Variants in ATXN10 observed in about 807,000 individuals in gnomAD.
ATXN10 encodes the protein ataxin 10, also known as ataxin-10.
In ATXN10, 28 loss-of-function variants were observed where a neutral mutation model predicts 52.9. The observed-to-expected ratio is 0.53, with a 90% CI of 0.39 to 0.73. The LOEUF (loss-of-function observed/expected upper bound fraction) is 0.73, where lower values mean the gene tolerates loss of function less well. Ranked by LOEUF, ATXN10 falls within the 30% of genes least tolerant of loss-of-function variation. The pLI is 0.00. For missense variants in ATXN10, 565 were observed against 577.0 expected (o/e 0.98, Z 0.21); for synonymous variants, 226 against 221.5 (o/e 1.02, Z -0.18).
At chr22:45,711,984 G>A (rs915417709) in intron 5 of ATXN10, among the ~76,000 whole-genome samples, 2 of 152,182 alleles carry the variant, frequency 1.3e-5, no homozygotes, top group Non-Finnish European at 2.9e-5. Flanking sequence ...ATGTTGTATG[G>A]AATACTTTAG....
At chr22:45,686,383 C>T (rs937599582) in intron 1 of ATXN10, among the ~76,000 whole-genome samples, 13 of 152,082 alleles carry the variant, frequency 8.5e-5, no homozygotes, top group Admixed American at 2.0e-4. Context: ...ACAGTCTAGC[C>T]GGGGAGATAG....
At chr22:45,827,086 G>C (rs1928839507) in intron 10 of ATXN10, among the ~76,000 whole-genome samples, 1 of 151,258 alleles carries the variant, frequency 6.6e-6, no homozygotes, top group Non-Finnish European at 1.5e-5. Context: ...ATTAGAATTA[G>C]AGTATTATAA....
chr22:45,742,786 C>T (rs556052801), intron 9 of ATXN10, among the ~76,000 whole-genome samples: 60 of 152,296 alleles, frequency 3.9e-4, no homozygotes, highest in Non-Finnish European at 6.8e-4. Context: ...AGTATATGGG[C>T]GCACCATTTT....
chr22:45,737,430 T>G lies in ATXN10; in HGVS notation c.895-1301T>G, dbSNP rs185613202. Among the ~76,000 whole-genome samples, 345 of 152,278 alleles carry G rather than the reference T, an allele frequency of 2.3e-3. 4 individuals carry two copies. Among genetic ancestry groups the G allele is most frequent in the African/African-American group, 8.0e-3 (333 of 41,544 alleles). ...AGCTTTGTGAAATTGATGGAGTTGG[T>G]CAAGACTCGTTTTAACATGGTACTA... On this transcript the variant is annotated intron_variant, in intron 7 of 11. Coordinates refer to ENST00000252934, the MANE Select transcript of ATXN10 (RefSeq NM_013236.4).
Position 45,766,196 on chromosome 22 carries a change from A to G in ATXN10, c.1173+25658A>G, listed in dbSNP as rs9614776. Among the ~76,000 whole-genome samples, 7,051 of 152,302 alleles carry G rather than the reference A, an allele frequency of 0.046. 193 individuals carry two copies. Among genetic ancestry groups the G allele is most frequent in the Non-Finnish European group, 0.06 (4,103 of 68,020 alleles). ...CTACCTTTAGATCAGGGGTTCCCCA[A>G]TCCCTGGTCCGTGGACTGGTACTGG... On this transcript the variant is annotated intron_variant, in intron 9 of 11. Transcript: ENST00000252934. The surrounding 1 kb of genome is among the most constrained non-coding windows in gnomAD (Gnocchi z 4.6).
chr22:45,816,884 G>C lies in ATXN10; in HGVS notation c.1237+9862G>C, dbSNP rs755613755. Among the ~76,000 whole-genome samples, 1 of 152,126 alleles carries C rather than the reference G, an allele frequency of 6.6e-6. No individual in the cohort carries two copies. Among genetic ancestry groups the C allele is most frequent in the Admixed American group, 6.5e-5 (1 of 15,284 alleles). On this transcript the variant is annotated intron_variant, in intron 10 of 11. Transcript: ENST00000252934. The surrounding 1 kb of genome is among the most constrained non-coding windows in gnomAD (Gnocchi z 5.8). The stretch of plus-strand genomic sequence containing the variant: ...TAAATGTAGGAACATGTTCTGTTCT[G>C]TACTCTTCTTGGTGGAGAATCTAGC...
chr22:45,843,103 T>TA lies in ATXN10; in HGVS notation c.1356dup (p.Val453SerfsTer4). The TA allele has an allele frequency of 6.2e-7, 1 of 1,614,140 alleles. No individual in the cohort carries two copies. The highest frequency in any genetic ancestry group is 8.5e-7 in the Non-Finnish European group (1 of 1,180,022). ...AGGGGCTGGCAGATGCATCCCTACT[T>TA]AAAAAAGTGGGTTTTGAAGTTGAAA... On this transcript the variant is annotated frameshift_variant, in exon 11 of 12. Coordinates refer to ENST00000252934, the MANE Select transcript of ATXN10 (RefSeq NM_013236.4). LOFTEE classifies it high-confidence loss of function. The surrounding 1 kb of genome is among the most constrained non-coding windows in gnomAD (Gnocchi z 4.5).
chr22:45,826,425 C>G lies in ATXN10; in HGVS notation c.1238-16566C>G, dbSNP rs560783145. On this transcript the variant is annotated intron_variant, in intron 10 of 11. Transcript: ENST00000252934. The surrounding 1 kb of genome is among the most constrained non-coding windows in gnomAD (Gnocchi z 5.0). ...AATTTTCCACATTTGATGGAAGTCA[C>G]GAATATATACAACCAGGAAACTCGG... Among the ~76,000 whole-genome samples, 21 of 152,150 alleles carry G rather than the reference C, an allele frequency of 1.4e-4. No individual in the cohort carries two copies. The highest frequency in any genetic ancestry group is 2.4e-4 in the Non-Finnish European group (16 of 68,000).
intron 10 of ATXN10, among the ~76,000 whole-genome samples, chr22:45,817,604 C>T (rs1001921557): frequency 3.9e-5 from 6 of 151,958 alleles, no homozygotes; most frequent in African/African-American, 1.5e-4. Context: ...GGATTACAGG[C>T]GTGAGCCACC....
rs910962955 is a variant in ATXN10 at position 45,728,667 on chromosome 22, A to G, written c.729-758A>G. The stretch of plus-strand genomic sequence containing the variant: ...CAAATCAAAATGTAATTTTGAGCAA[A>G]TGTGCTAATTGATTTATGCTAGACA... On this transcript the variant is annotated intron_variant, in intron 6 of 11. Coordinates refer to ENST00000252934, the MANE Select transcript of ATXN10 (RefSeq NM_013236.4). This position sits in a 1 kb window ranked among gnomAD's most constrained non-coding sequence, Gnocchi z 4.3. Among the ~76,000 whole-genome samples, 7 of 152,308 alleles carry G rather than the reference A, an allele frequency of 4.6e-5. No individual in the cohort carries two copies. The highest frequency in any genetic ancestry group is 1.2e-4 in the African/African-American group (5 of 41,556).
intron 7 of ATXN10, among the ~76,000 whole-genome samples, chr22:45,730,883 C>G (rs1925064619): frequency 6.6e-6 from 1 of 152,166 alleles, no homozygotes; most frequent in African/African-American, 2.4e-5. Context: ...ATGTTTAAAG[C>G]TCTTGATACA....
Position 45,825,777 on chromosome 22 carries a change from A to T in ATXN10, c.1238-17214A>T, listed in dbSNP as rs1307652239. Among the ~76,000 whole-genome samples, 3 of 152,208 alleles carry T rather than the reference A, an allele frequency of 2.0e-5. No homozygotes were observed. Among genetic ancestry groups the T allele is most frequent in the Admixed American group, 6.5e-5 (1 of 15,284 alleles). On this transcript the variant is annotated intron_variant, in intron 10 of 11. Transcript: ENST00000252934. This position sits in a 1 kb window ranked among gnomAD's most constrained non-coding sequence, Gnocchi z 4.5. ...GAACTAAAGGAACGTGTGGAAAATC[A>T]ATAAAACAATATATGGACAAGCCCA...
intron 1 of ATXN10, chr22:45,672,861 C>T (rs134860): frequency 0.13 from 19,400 of 152,248 alleles, 1,541 homozygotes; most frequent in East Asian, 0.2. Flanking sequence ...GCAGTTTCTC[C>T]AGGCCTTAGA....
In ATXN10 at chr22:45,762,678, C is replaced by T. The variant is rs897081229; in HGVS notation, c.1173+22140C>T. ...GGGGCTTCCAGGCCTCAGGGACTGC[C>T]TCCTGGTCCCCCAGAGGCCACCTCA... On this transcript the variant is annotated intron_variant, in intron 9 of 11. Coordinates refer to ENST00000252934, the MANE Select transcript of ATXN10 (RefSeq NM_013236.4). The surrounding 1 kb of genome is among the most constrained non-coding windows in gnomAD (Gnocchi z 4.3). Among the ~76,000 whole-genome samples the T allele has an allele frequency of 3.3e-5, 5 of 152,188 alleles. No homozygotes were observed. Among genetic ancestry groups the T allele is most frequent in the African/African-American group, 4.8e-5 (2 of 41,442 alleles).
intron 10 of ATXN10, among the ~76,000 whole-genome samples, chr22:45,817,797 G>A (rs1601665505): frequency 6.6e-6 from 1 of 152,152 alleles, no homozygotes; most frequent in Admixed American, 6.5e-5. Flanking sequence ...ATTGCCGGGT[G>A]CAGGACTGTG....
At chr22:45,725,735 C>T (rs534621725) in intron 6 of ATXN10, among the ~76,000 whole-genome samples, 1 of 152,240 alleles carries the variant, frequency 6.6e-6, no homozygotes, top group South Asian at 2.1e-4. Flanking sequence ...ACATCCTTGT[C>T]TTGTTCCAGT....
In ATXN10 at chr22:45,837,589, C is replaced by T. The variant is rs1336912037; in HGVS notation, c.1238-5402C>T. On this transcript the variant is annotated intron_variant, in intron 10 of 11. Transcript: ENST00000252934. The surrounding 1 kb of genome is among the most constrained non-coding windows in gnomAD (Gnocchi z 5.8). ...TTTATTTATTAATTCAACAAATATC[C>T]ATTAGTGCTTCCCATGTTCTAGGCC... is the stretch of plus-strand genomic sequence containing the variant. 6.6e-6 allele frequency among the ~76,000 whole-genome samples: 1 copy of T among 152,214 alleles called. No homozygotes were observed. Among genetic ancestry groups the T allele is most frequent in the East Asian group, 1.9e-4 (1 of 5,188 alleles).
At position 45,727,254 on chromosome 22, in the gene ATXN10, G is replaced by C. The variant is rs1228774324; in HGVS notation, c.729-2171G>C. Among the ~76,000 whole-genome samples the C allele has an allele frequency of 6.6e-6, 1 of 151,946 alleles. No individual in the cohort carries two copies. Among genetic ancestry groups the C allele is most frequent in the Non-Finnish European group, 1.5e-5 (1 of 67,968 alleles). On this transcript the variant is annotated intron_variant, in intron 6 of 11. Coordinates refer to ENST00000252934, the MANE Select transcript of ATXN10 (RefSeq NM_013236.4). This position sits in a 1 kb window ranked among gnomAD's most constrained non-coding sequence, Gnocchi z 4.6. ...TTATGTAGTTTTGAGGGTTCCTTTT[G>C]GAATTGATTTCTAGTTTTATTCTAT...
chr22:45,749,486 A>G (rs1364460158), intron 9 of ATXN10, among the ~76,000 whole-genome samples: 1 of 152,144 alleles, frequency 6.6e-6, no homozygotes, highest in African/African-American at 2.4e-5. Context: ...CTTTTTCCAC[A>G]ATTCTTACTG....
Sources: allele counts gnomAD v4.1 joint callset (sites outside exome capture counted in the v4.1 genomes callset), GRCh38; gene constraint gnomAD v4.1.1; non-coding constraint Gnocchi (gnomAD v3.1); transcripts MANE v1.5; gene names NCBI Gene and HGNC (gene_info 2026-07-23, HGNC 2026-07-21).